SLC35F1: variants seen among roughly 807,000 people sequenced by gnomAD.
SLC35F1 encodes the protein chromosome 6 open reading frame 169.
A neutral mutation model predicts 48.7 loss-of-function variants in SLC35F1; 14 were observed. The observed-to-expected ratio is 0.29, with a 90% confidence interval of 0.19 to 0.45. The LOEUF is 0.45. Among genes scored for constraint, SLC35F1 ranks in the 20% least tolerant of loss-of-function variants. The pLI is 1.00. For missense variants in SLC35F1, 404 were observed against 500.0 expected, an observed-to-expected ratio of 0.81 and a Z score of 1.83; for synonymous variants, 190 against 202.2, an observed-to-expected ratio of 0.94 and a Z score of 0.51.
chr6:117,923,612 T>TAC lies in SLC35F1; in HGVS notation c.173+15715_173+15716dup, dbSNP rs1775937708. ...ATATACATATGTGTATATATACATA[T>TAC]ACATATGTATATATACATATATGTA... is the stretch of plus-strand genomic sequence containing the variant. On this transcript the variant is annotated intron_variant, in intron 1 of 7. Transcript: ENST00000360388. Among the ~76,000 whole-genome samples the TAC allele has an allele frequency of 1.4e-4, 3 of 21,334 alleles. 1 individual carries two copies. In the Admixed American group the frequency reaches 1.7e-3, roughly 12 times the overall value. The allele number at this position is 21,334 out of a possible 152,430, so 14.0% of individuals were successfully genotyped here. A position where few individuals can be genotyped will look rare whatever the true frequency, so the allele number is the denominator to read the frequency against.
chr6:118,148,516 A>G (rs1282718585), intron 1 of SLC35F1, among the ~76,000 whole-genome samples: 2 of 152,232 alleles, frequency 1.3e-5, no homozygotes, highest in African/African-American at 4.8e-5. Context: ...AAGCTCTATT[A>G]TAACAGGTAT....
intron 1 of SLC35F1, among the ~76,000 whole-genome samples, chr6:118,084,132 G>GC (rs1273649577): frequency 3.3e-5 from 5 of 152,272 alleles, no homozygotes; most frequent in Admixed American, 3.3e-4. Context: ...ATAAGTCCTT[G>GC]CTCTGGGATT....
intron 1 of SLC35F1, among the ~76,000 whole-genome samples, chr6:117,959,856 T>C (rs966096095): frequency 6.6e-6 from 1 of 152,200 alleles, no homozygotes; most frequent in African/African-American, 2.4e-5. Flanking sequence ...CTTTCTCAAT[T>C]AATATTCTCC....
intron 1 of SLC35F1, among the ~76,000 whole-genome samples, chr6:117,953,596 C>T (rs1039896524): frequency 1.3e-5 from 2 of 152,174 alleles, no homozygotes; most frequent in Non-Finnish European, 2.9e-5. Context: ...GAAGCATGAA[C>T]AAAACCTCAC....
At chr6:118,070,151 A>AG (rs1336567903) in intron 1 of SLC35F1, among the ~76,000 whole-genome samples, 3 of 151,002 alleles carry the variant, frequency 2.0e-5, no homozygotes, top group Non-Finnish European at 4.4e-5. Flanking sequence ...TCAAAAAAAA[A>AG]AAAAAAAAAA....
intron 2 of SLC35F1, among the ~76,000 whole-genome samples, chr6:118,227,221 C>T (rs1270275457): frequency 6.6e-6 from 1 of 152,180 alleles, no homozygotes; most frequent in Non-Finnish European, 1.5e-5. Flanking sequence ...CCCAACCTGG[C>T]AGACTCGCTG....
chr6:118,060,232 T>C (rs879719687), intron 1 of SLC35F1, among the ~76,000 whole-genome samples: 2 of 152,184 alleles, frequency 1.3e-5, no homozygotes, highest in Non-Finnish European at 2.9e-5. Context: ...AAGTGCCTGC[T>C]ACATAGTAGG....
At chr6:118,287,878 C>T (rs1373993206) in intron 7 of SLC35F1, among the ~76,000 whole-genome samples, 1 of 152,148 alleles carries the variant, frequency 6.6e-6, no homozygotes, top group Non-Finnish European at 1.5e-5. Context: ...AGTAACTTCG[C>T]TGAAGAGGAA....
intron 2 of SLC35F1, among the ~76,000 whole-genome samples, chr6:118,176,667 C>T (rs188960754): frequency 1.3e-5 from 2 of 152,114 alleles, no homozygotes; most frequent in East Asian, 3.9e-4. Context: ...TTATACAGTA[C>T]ATATTGTTTT....
intron 2 of SLC35F1, among the ~76,000 whole-genome samples, chr6:118,221,881 T>C (rs1161884641): frequency 6.6e-6 from 1 of 152,210 alleles, no homozygotes; most frequent in Non-Finnish European, 1.5e-5. Flanking sequence ...ATGACAACAA[T>C]GCCATGATCA....
At chr6:118,185,372 C>T (rs1227599792) in intron 2 of SLC35F1, among the ~76,000 whole-genome samples, 1 of 152,090 alleles carries the variant, frequency 6.6e-6, no homozygotes, top group Non-Finnish European at 1.5e-5. Flanking sequence ...TTTGCATTAG[C>T]CCTGCCACAT....
At chr6:117,987,730 T>A (rs1296283030) in intron 1 of SLC35F1, among the ~76,000 whole-genome samples, 1 of 152,232 alleles carries the variant, frequency 6.6e-6, no homozygotes, top group Non-Finnish European at 1.5e-5. Context: ...TCTGCAGATA[T>A]AAGCTGCTTG....
At chr6:118,288,398 A>G (rs1776077730) in intron 7 of SLC35F1, among the ~76,000 whole-genome samples, 1 of 152,228 alleles carries the variant, frequency 6.6e-6, no homozygotes, top group South Asian at 2.1e-4. Context: ...CAATATATGT[A>G]AGATTTACAT....
At chr6:118,252,686 G>A (rs1479027930) in intron 3 of SLC35F1, among the ~76,000 whole-genome samples, 2 of 152,150 alleles carry the variant, frequency 1.3e-5, no homozygotes, top group Non-Finnish European at 2.9e-5. Flanking sequence ...TTAGGTCATA[G>A]TGGAGTGGGT....
chr6:118,271,194 G>T (rs918004624), intron 4 of SLC35F1, among the ~76,000 whole-genome samples: 6 of 152,096 alleles, frequency 3.9e-5, no homozygotes, highest in Non-Finnish European at 8.8e-5. Flanking sequence ...ACTATGCAAA[G>T]AATTTTTATT....
At chr6:117,985,032 A>C (rs1394012564) in intron 1 of SLC35F1, among the ~76,000 whole-genome samples, 1 of 152,242 alleles carries the variant, frequency 6.6e-6, no homozygotes, top group Admixed American at 6.5e-5. Context: ...ATACTATTGC[A>C]CAGAAAGCTA....
intron 1 of SLC35F1, among the ~76,000 whole-genome samples, chr6:118,084,380 T>G (rs1025788591): frequency 6.6e-6 from 1 of 152,186 alleles, no homozygotes; most frequent in Admixed American, 6.5e-5. Flanking sequence ...TTGATTCTTA[T>G]TTTGCCTGTA....
At chr6:118,116,050 CT>C (rs1773472059) in intron 1 of SLC35F1, among the ~76,000 whole-genome samples, 1 of 152,104 alleles carries the variant, frequency 6.6e-6, no homozygotes, top group Non-Finnish European at 1.5e-5. Flanking sequence ...GTGAGATAGA[CT>C]TCAAATATGA....
At chr6:117,943,335 A>C (rs1011253553) in intron 1 of SLC35F1, among the ~76,000 whole-genome samples, 2 of 152,242 alleles carry the variant, frequency 1.3e-5, no homozygotes, top group African/African-American at 4.8e-5. Flanking sequence ...CTAGCTTATA[A>C]GTCGGAATTT....
Sources: allele counts gnomAD v4.1 joint callset (sites outside exome capture counted in the v4.1 genomes callset), GRCh38; gene constraint gnomAD v4.1.1; transcripts MANE v1.5; gene names NCBI Gene and HGNC (gene_info 2026-07-23, HGNC 2026-07-21).